The following S100P variants were observed in gnomAD, a reference collection of about 807,000 sequenced individuals.
S100P encodes the protein S100 calcium binding protein P.
In S100P, 7 loss-of-function variants were observed where a neutral mutation model predicts 4.7. The ratio of observed to expected loss-of-function variants is 1.48; its 90% CI spans 0.84 to 2.77. The LOEUF is 2.77. Among genes scored for constraint, S100P ranks in the 30% most tolerant of loss-of-function variants. S100P has a pLI of 0.00. For synonymous variants in S100P, 48 were observed against 49.0 expected, an observed-to-expected ratio of 0.98 and a Z score of 0.08; for missense variants, 122 against 120.6, an observed-to-expected ratio of 1.01 and a Z score of -0.06.
chr4:6,695,812 GGC>G (rs1714359867), intron 1 of S100P, among the ~76,000 whole-genome samples: 1 of 152,166 alleles, frequency 6.6e-6, no homozygotes, highest in South Asian at 2.1e-4. Context: ...GGCAGGGCTG[GGC>G]TGGGCTGGCC....
At chr4:6,696,062 G>A (rs1388974524) in intron 1 of S100P, among the ~76,000 whole-genome samples, 1 of 151,242 alleles carries the variant, frequency 6.6e-6, no homozygotes, top group South Asian at 2.1e-4. Flanking sequence ...GTCTTGGTCA[G>A]ATGATATGTT....
intron 1 of S100P, 146 bp from the exon 2 acceptor site, chr4:6,696,747 T>A (rs528903421): frequency 1.7e-6 from 1 of 579,544 alleles, no homozygotes; most frequent in Non-Finnish European, 3.0e-6. Context: ...ATGCCATGTG[T>A]CTGCTATGCA....
intron 1 of S100P, among the ~76,000 whole-genome samples, chr4:6,696,176 G>T (rs993487102): frequency 6.6e-6 from 1 of 152,212 alleles, no homozygotes; most frequent in African/African-American, 2.4e-5. Context: ...TCTGCATCCT[G>T]GTCCCGCTTG....
Position 6,693,931 on chromosome 4 carries a change from C to T in S100P, c.-2C>T. On this transcript the variant is annotated 5_prime_UTR_variant, in exon 1 of 2. Transcript: ENST00000296370. The stretch of plus-strand genomic sequence containing the variant: ...GAGGAAGGTGGGTCTGAATCTAGCA[C>T]CATGACGGAACTAGAGACAGCCATG... 1 of 1,614,150 alleles carries T rather than the reference C, an allele frequency of 6.2e-7. No individual in the cohort carries two copies. Among genetic ancestry groups the T allele is most frequent in the Non-Finnish European group, 8.5e-7 (1 of 1,180,024 alleles).
At chr4:6,695,861 C>CCGCACAGT (rs1300538787) in intron 1 of S100P, among the ~76,000 whole-genome samples, 2 of 152,354 alleles carry the variant, frequency 1.3e-5, no homozygotes, top group East Asian at 1.9e-4. Flanking sequence ...ACCCAGCGCC[C>CCGCACAGT]CGCACAGTCG....
At chr4:6,695,903 T>C (rs538496204) in intron 1 of S100P, among the ~76,000 whole-genome samples, 1 of 152,354 alleles carries the variant, frequency 6.6e-6, no homozygotes, top group African/African-American at 2.4e-5. Flanking sequence ...ACTGTCTGCC[T>C]ACAAACTTTG....
Position 6,693,916 on chromosome 4 carries a change from G to C in S100P, c.-17G>C, listed in dbSNP as rs921860128. 1 of 1,613,956 alleles carries C rather than the reference G, an allele frequency of 6.2e-7. No individual in the cohort carries two copies. The highest frequency in any genetic ancestry group is 8.5e-7 in the Non-Finnish European group (1 of 1,180,002). ...CCTGCCAGCCCCCAGGAGGAAGGTG[G>C]GTCTGAATCTAGCACCATGACGGAA... On this transcript the variant is annotated 5_prime_UTR_variant, in exon 1 of 2. Coordinates refer to ENST00000296370, the MANE Select transcript of S100P (RefSeq NM_005980.3).
intron 1 of S100P, among the ~76,000 whole-genome samples, chr4:6,696,371 G>A (rs147876158): frequency 8.2e-4 from 125 of 152,318 alleles, no homozygotes; most frequent in African/African-American, 2.7e-3. Context: ...CTCCCTGTGT[G>A]ACTTCAGGGC....
chr4:6,696,663 C>G (rs1414736794), intron 1 of S100P, among the ~76,000 whole-genome samples: 2 of 152,288 alleles, frequency 1.3e-5, no homozygotes, highest in East Asian at 3.8e-4. Flanking sequence ...TTCCAATTCG[C>G]TCTAAAAACA....
Position 6,696,972 on chromosome 4 carries a change from A to T in S100P, c.218A>T (p.Glu73Val). Residue 73 changes from glutamate (E) to valine (V), a missense_variant, in exon 2 of 2, where the codon GAG becomes GTG. Coordinates refer to ENST00000296370, the MANE Select transcript of S100P (RefSeq NM_005980.3). The stretch of plus-strand genomic sequence containing the variant: ...GGAGATGCCCAGGTGGACTTCAGTG[A>T]GTTCATAGTGTTCGTGGCTGCAATC... ...ANGDAQVDFS[E>V]FIVFVAAITS... The T allele has an allele frequency of 1.2e-6, 2 of 1,613,966 alleles. No individual in the cohort carries two copies. Among genetic ancestry groups the T allele is most frequent in the Non-Finnish European group, 1.7e-6 (2 of 1,179,814 alleles).
Position 6,696,894 on chromosome 4 carries a change from G to A in S100P, c.140G>A (p.Ser47Asn). ...MEKELPGFLQ[S>N]GKDKDAVDKL... ...ACCTTGAGCCTCTCTCTCCTCTAGA[G>A]TGGAAAAGACAAGGATGCCGTGGAT... The change falls in exon 2 of 2, where the codon AGT (serine) becomes AAT (asparagine). Residue 47 changes from serine (S) to asparagine (N), a missense_variant and splice_region_variant. Ser to Asn is a conservative substitution (Grantham distance 46). Transcript: ENST00000296370. 1.2e-6 allele frequency: 2 copies of A among 1,613,282 alleles called. No individual in the cohort carries two copies. The highest frequency in any genetic ancestry group is 1.7e-6 in the Non-Finnish European group (2 of 1,179,436).
intron 1 of S100P, among the ~76,000 whole-genome samples, chr4:6,695,471 A>AC (rs1714350572): frequency 1.3e-5 from 2 of 152,314 alleles, no homozygotes; most frequent in Middle Eastern, 3.4e-3. Context: ...TTTGAGCTTA[A>AC]CATTACAACA....
chr4:6,694,480 C>G (rs1714320533), intron 1 of S100P, among the ~76,000 whole-genome samples: 1 of 152,232 alleles, frequency 6.6e-6, no homozygotes, highest in Admixed American at 6.5e-5. Context: ...CATAAACGCC[C>G]CAGCTCTGCC....
chr4:6,696,054 C>A (rs1006747563), intron 1 of S100P, among the ~76,000 whole-genome samples: 3 of 152,326 alleles, frequency 2.0e-5, no homozygotes, highest in African/African-American at 7.2e-5. Flanking sequence ...ACAGTTGTGT[C>A]TTGGTCAGAT....
At chr4:6,696,266 G>A (rs774917618) in intron 1 of S100P, among the ~76,000 whole-genome samples, 2 of 152,228 alleles carry the variant, frequency 1.3e-5, no homozygotes, top group Non-Finnish European at 2.9e-5. Flanking sequence ...AAGAAGACCT[G>A]AGAGCTTGGG....
At chr4:6,696,134 G>A (rs527520237) in intron 1 of S100P, among the ~76,000 whole-genome samples, 2 of 152,320 alleles carry the variant, frequency 1.3e-5, no homozygotes, top group Non-Finnish European at 2.9e-5. Flanking sequence ...CCAGGGCTGG[G>A]TCATCAGCAC....
At position 6,694,034 on chromosome 4, in the gene S100P, G is replaced by A. The variant is rs142529937; in HGVS notation, c.102G>A (p.Lys34=). The part of the protein sequence containing the change: ...STQTLTKGEL[K]VLMEKELPGF... ...AGACCCTGACCAAGGGGGAGCTCAA[G>A]GTGCTGATGGAGAAGGAGCTACCAG... Residue 34 remains lysine (K), a synonymous_variant, in exon 1 of 2, where the codon AAG becomes AAA. Transcript: ENST00000296370. 37 of 1,613,654 alleles carry A rather than the reference G, an allele frequency of 2.3e-5. No individual in the cohort carries two copies. In the African/African-American group the frequency reaches 3.9e-4, roughly 17 times the overall value.
chr4:6,694,008 C>G lies in S100P; in HGVS notation c.76C>G (p.Gln26Glu). The change falls in exon 1 of 2, where the codon CAG becomes GAG. Residue 26 changes from glutamine (Q) to glutamate (E), a missense_variant. Physicochemically the swap from Gln to Glu is conservative, Grantham distance 29. Transcript: ENST00000296370. ...ATATTCGGGCAGCGAGGGCAGCACG[C>G]AGACCCTGACCAAGGGGGAGCTCAA... ...SRYSGSEGST[Q>E]TLTKGELKVL... is the part of the protein sequence containing the mutation. 6.2e-7 allele frequency: 1 copy of G among 1,613,982 alleles called. No homozygotes were observed. Among genetic ancestry groups the G allele is most frequent in the Non-Finnish European group, 8.5e-7 (1 of 1,179,932 alleles).
chr4:6,694,509 C>T (rs1714321152), intron 1 of S100P, among the ~76,000 whole-genome samples: 1 of 152,210 alleles, frequency 6.6e-6, no homozygotes, highest in African/African-American at 2.4e-5. Flanking sequence ...GCCCGCTTTC[C>T]CTGCTCCCAT....
Sources: gnomAD v4.1 joint callset for allele counts (sites outside exome capture counted in the v4.1 genomes callset) on GRCh38, gnomAD v4.1.1 for gene constraint, MANE v1.5 for transcripts, NCBI Gene and HGNC (gene_info 2026-07-23, HGNC 2026-07-21) for gene names.